WDR25: variants seen among roughly 807,000 people sequenced by gnomAD.
The protein encoded by WDR25 is WD repeat-containing protein 25.
WDR25 carries 35 observed loss-of-function variants against 47.7 expected under a neutral mutation model. The observed-to-expected ratio is 0.73, with a 90% CI of 0.56 to 0.97. The LOEUF (loss-of-function observed/expected upper bound fraction) is 0.97, where lower values mean the gene tolerates loss of function less well. WDR25 is among the 50% of genes least tolerant of loss of function. The pLI is 0.00. For synonymous variants in WDR25, 248 were observed against 278.9 expected, an observed-to-expected ratio of 0.89 and a Z score of 1.10; for missense variants, 634 against 704.7, an observed-to-expected ratio of 0.90 and a Z score of 1.14.
chr14:100,436,684 G>A (rs1375993895), intron 2 of WDR25, among the ~76,000 whole-genome samples: 1 of 152,206 alleles, frequency 6.6e-6, no homozygotes, highest in African/African-American at 2.4e-5. Flanking sequence ...AGTGTCCTGT[G>A]TGTCAGTCTC....
chr14:100,452,729 G>A (rs1899077959), intron 2 of WDR25, among the ~76,000 whole-genome samples: 1 of 152,210 alleles, frequency 6.6e-6, no homozygotes, highest in Admixed American at 6.5e-5. Context: ...CTGATGCAGA[G>A]GTCCAGTCTG....
chr14:100,529,957 CTG>C lies in WDR25; in HGVS notation c.1555_1556del (p.Val519ArgfsTer66), dbSNP rs1167473556. 1 of 1,613,554 alleles carries C rather than the reference CTG, an allele frequency of 6.2e-7. No homozygotes were observed. Among genetic ancestry groups the C allele is most frequent in the Admixed American group, 1.7e-5 (1 of 60,034 alleles). On this transcript the variant is annotated frameshift_variant, in exon 7 of 7. Transcript: ENST00000402312. LOFTEE classifies it high-confidence loss of function. This position sits in a 1 kb window ranked among gnomAD's most constrained non-coding sequence, Gnocchi z 5.1. ...ACTLQGHTQA[C>X]VGTTYHPVLP... ...GCACACTGCAGGGGCACACACAGGC[CTG>C]TGTCGGCACCACCTATCACCCCGTG...
intron 4 of WDR25, among the ~76,000 whole-genome samples, chr14:100,497,549 TTCTG>T (rs1257108823): frequency 6.6e-6 from 1 of 152,176 alleles, no homozygotes; most frequent in Non-Finnish European, 1.5e-5. Context: ...TTCTCTGAGT[TTCTG>T]TCTCTCTCTC....
At chr14:100,466,795 T>G (rs1359502977) in intron 2 of WDR25, among the ~76,000 whole-genome samples, 1 of 152,240 alleles carries the variant, frequency 6.6e-6, no homozygotes, top group African/African-American at 2.4e-5. Context: ...GTGAGAGCAC[T>G]GCCCTCATCC....
intron 4 of WDR25, among the ~76,000 whole-genome samples, chr14:100,501,039 A>G (rs1900903864): frequency 6.6e-6 from 1 of 152,226 alleles, no homozygotes. Context: ...CTAATTGAGC[A>G]GCTACTGTGT....
chr14:100,506,384 A>G lies in WDR25; in HGVS notation c.1102-19486A>G, dbSNP rs886607795. On this transcript the variant is annotated intron_variant, in intron 4 of 6. Transcript: ENST00000402312. This position sits in a 1 kb window ranked among gnomAD's most constrained non-coding sequence, Gnocchi z 4.8. The stretch of plus-strand genomic sequence containing the variant: ...AGTGCTGTGATGAACACGTGAGTGC[A>G]TGTGTCTCTTTGGTAGAATAACATT... Among the ~76,000 whole-genome samples the G allele has an allele frequency of 6.6e-6, 1 of 152,164 alleles. No individual in the cohort carries two copies. The highest frequency in any genetic ancestry group is 1.5e-5 in the Non-Finnish European group (1 of 68,026).
chr14:100,399,399 C>G (rs1017934173), intron 2 of WDR25, among the ~76,000 whole-genome samples: 4 of 152,076 alleles, frequency 2.6e-5, no homozygotes, highest in Non-Finnish European at 5.9e-5. Flanking sequence ...GCATTTCCCC[C>G]CTTTTCCTTT....
chr14:100,381,514 T>G lies in WDR25; in HGVS notation c.590T>G (p.Val197Gly), dbSNP rs369440548. The change falls in exon 2 of 7, where the codon GTG (valine) becomes GGG (glycine). Residue 197 changes from valine (V) to glycine (G), a missense_variant. By Grantham distance (109) the Val-to-Gly change is moderately radical. Coordinates refer to ENST00000402312, the MANE Select transcript of WDR25 (RefSeq NM_001161476.3). ...LSTETGKGKD[V>G]EPQGPPAGRA... ...ACGGAGACAGGCAAGGGTAAAGACG[T>G]GGAGCCACAGGGGCCCCCTGCAGGG... The G allele has an allele frequency of 6.2e-7, 1 of 1,614,074 alleles. No individual in the cohort carries two copies. Among genetic ancestry groups the G allele is most frequent in the Non-Finnish European group, 8.5e-7 (1 of 1,180,042 alleles).
At chr14:100,460,002 C>T (rs1423964227) in intron 2 of WDR25, among the ~76,000 whole-genome samples, 1 of 146,656 alleles carries the variant, frequency 6.8e-6, no homozygotes, top group Admixed American at 6.8e-5. Context: ...AAGGGGGACA[C>T]TTCCCAACTC....
chr14:100,383,867 A>C (rs1896960715), intron 2 of WDR25, among the ~76,000 whole-genome samples: 1 of 152,214 alleles, frequency 6.6e-6, no homozygotes, highest in African/African-American at 2.4e-5. Flanking sequence ...TGACCAGAAG[A>C]GGGCGCAGTG....
chr14:100,410,407 G>T (rs936797031), intron 2 of WDR25, among the ~76,000 whole-genome samples: 4 of 152,134 alleles, frequency 2.6e-5, no homozygotes, highest in Non-Finnish European at 5.9e-5. Flanking sequence ...ATCGAGAATT[G>T]TACCCACCAC....
At chr14:100,472,384 C>T (rs916968397) in intron 3 of WDR25, among the ~76,000 whole-genome samples, 1 of 152,256 alleles carries the variant, frequency 6.6e-6, no homozygotes, top group African/African-American at 2.4e-5. Flanking sequence ...GCTCTTCTGC[C>T]TCCCCGAACC....
At chr14:100,484,195 A>G in intron 4 of WDR25, 71 bp downstream of exon 4, 1 of 1,544,584 alleles carries the variant, frequency 6.5e-7, no homozygotes, top group Non-Finnish European at 8.7e-7. Context: ...AATTGGGGGC[A>G]GGTCAGCATC....
At chr14:100,509,922 C>A (rs1174123865) in intron 4 of WDR25, among the ~76,000 whole-genome samples, 2 of 150,536 alleles carry the variant, frequency 1.3e-5, no homozygotes, top group South Asian at 4.3e-4. Context: ...AGATTTAGGT[C>A]TATTGTTGTA....
chr14:100,437,770 A>G (rs1423104115), intron 2 of WDR25, among the ~76,000 whole-genome samples: 1 of 152,096 alleles, frequency 6.6e-6, no homozygotes, highest in African/African-American at 2.4e-5. Context: ...CACCCACAGC[A>G]CTGGTGTTAT....
intron 1 of WDR25, 70 bp from the exon 2 acceptor site, chr14:100,380,840 A>G (rs757015612): frequency 2.2e-6 from 3 of 1,380,224 alleles, no homozygotes; most frequent in Middle Eastern, 1.8e-4. Flanking sequence ...CCTAGGTGAC[A>G]TGGTTTCTTA....
intron 2 of WDR25, among the ~76,000 whole-genome samples, chr14:100,463,801 G>A (rs1205827273): frequency 6.6e-6 from 1 of 152,186 alleles, no homozygotes; most frequent in Non-Finnish European, 1.5e-5. Flanking sequence ...GCTTGGGCCA[G>A]GAACTGCGAA....
rs1228158182 is a variant in WDR25 at position 100,469,254 on chromosome 14, G to A, written c.970+1086G>A. 5.3e-5 allele frequency among the ~76,000 whole-genome samples: 8 copies of A among 152,168 alleles called. No homozygotes were observed. The East Asian group carries it at 1.4e-3, about 26-fold the overall frequency. Reference sequence around the variant, plus strand: ...TCATGCCCAGCAGCCCCCAGGAGACGCAGAGGGAAAATGGAGAAGGTGGTT... The same window carrying A: ...TCATGCCCAGCAGCCCCCAGGAGACACAGAGGGAAAATGGAGAAGGTGGTT... On this transcript the variant is annotated intron_variant, in intron 3 of 6. Coordinates refer to ENST00000402312, the MANE Select transcript of WDR25 (RefSeq NM_001161476.3).
At chr14:100,393,201 A>AT (rs1897181736) in intron 2 of WDR25, among the ~76,000 whole-genome samples, 1 of 152,230 alleles carries the variant, frequency 6.6e-6, no homozygotes, top group African/African-American at 2.4e-5. Context: ...ACAAGTAGCA[A>AT]TTTCTCTCTC....
Sources: allele counts gnomAD v4.1 joint callset (sites outside exome capture counted in the v4.1 genomes callset), GRCh38; gene constraint gnomAD v4.1.1; non-coding constraint Gnocchi (gnomAD v3.1); transcripts MANE v1.5; gene names NCBI Gene and HGNC (gene_info 2026-07-23, HGNC 2026-07-21).